Variants in CADM2 observed in about 807,000 individuals in gnomAD.
CADM2 encodes the protein cell adhesion molecule 2.
In CADM2, 12 loss-of-function variants were observed where a neutral mutation model predicts 49.8. The observed-to-expected ratio is 0.24, with a 90% confidence interval of 0.15 to 0.39. The LOEUF is 0.39. Among genes scored for constraint, CADM2 ranks in the 10% least tolerant of loss-of-function variants. CADM2 has a pLI of 1.00. For missense variants in CADM2, 378 were observed against 492.3 expected (o/e 0.77, Z 2.20); for synonymous variants, 214 against 175.4 (o/e 1.22, Z -1.74).
chr3:85,917,108 T>C (rs1238985027), intron 6 of CADM2, among the ~76,000 whole-genome samples: 3 of 152,110 alleles, frequency 2.0e-5, no homozygotes, highest in African/African-American at 7.2e-5. Context: ...TTTCTTCCAT[T>C]CTGTAGGTTG....
intron 1 of CADM2, among the ~76,000 whole-genome samples, chr3:85,269,669 T>C (rs2043193717): frequency 1.3e-5 from 2 of 151,346 alleles, no homozygotes; most frequent in Admixed American, 1.3e-4. Flanking sequence ...AGGACTTGTC[T>C]CTCAGATCAC....
At chr3:85,480,014 C>T (rs944480620) in intron 1 of CADM2, among the ~76,000 whole-genome samples, 1 of 151,558 alleles carries the variant, frequency 6.6e-6, no homozygotes, top group Non-Finnish European at 1.5e-5. Flanking sequence ...TTTTTTTAAA[C>T]TCTGTGTAGG....
chr3:85,886,413 A>G (rs1713660827), intron 5 of CADM2, 86 bp downstream of exon 5: 1 of 998,684 alleles, frequency 1.0e-6, no homozygotes, highest in Non-Finnish European at 1.5e-6. Flanking sequence ...ATTATTTTTC[A>G]AAACATAGTG....
intron 3 of CADM2, among the ~76,000 whole-genome samples, chr3:85,818,628 C>T (rs2073366988): frequency 6.6e-6 from 1 of 152,086 alleles, no homozygotes; most frequent in Non-Finnish European, 1.5e-5. Context: ...TTTGCTTCTG[C>T]CATTGAATAG....
chr3:85,099,662 G>T (rs1374231236), intron 1 of CADM2, among the ~76,000 whole-genome samples: 1 of 152,026 alleles, frequency 6.6e-6, no homozygotes, highest in Non-Finnish European at 1.5e-5. Flanking sequence ...TGGAGACGGG[G>T]TTTCACCATG....
At chr3:85,631,666 C>T (rs2064311757) in intron 1 of CADM2, among the ~76,000 whole-genome samples, 1 of 151,986 alleles carries the variant, frequency 6.6e-6, no homozygotes, top group Non-Finnish European at 1.5e-5. Flanking sequence ...AATGTGTACA[C>T]CTGGTTGTGT....
chr3:85,577,442 C>G (rs1336790884), intron 1 of CADM2, among the ~76,000 whole-genome samples: 1 of 152,106 alleles, frequency 6.6e-6, no homozygotes, highest in East Asian at 1.9e-4. Flanking sequence ...CGCACGTGCT[C>G]TCTTGCCCTT....
At chr3:85,928,935 A>G (rs1720255487) in intron 6 of CADM2, among the ~76,000 whole-genome samples, 1 of 152,176 alleles carries the variant, frequency 6.6e-6, no homozygotes, top group Admixed American at 6.5e-5. Context: ...ATTCATGTAT[A>G]TTTAATAAAT....
intron 1 of CADM2, among the ~76,000 whole-genome samples, chr3:85,687,586 A>G (rs974047902): frequency 6.6e-6 from 1 of 152,204 alleles, no homozygotes; most frequent in African/African-American, 2.4e-5. Flanking sequence ...TAGTATATAT[A>G]TTATACAATT....
intron 1 of CADM2, among the ~76,000 whole-genome samples, chr3:85,707,989 G>T (rs2067002209): frequency 6.6e-6 from 1 of 152,112 alleles, no homozygotes; most frequent in African/African-American, 2.4e-5. Context: ...AAATTTTAGT[G>T]CTCCTTCTAC....
rs560471985 is a variant in CADM2 at position 85,489,430 on chromosome 3, T to C, written c.62-237092T>C. Reference sequence around the variant, plus strand: ...AATATATGGTAAGGTATTACAAGTTTTCATTTAATATATTTATAAGTTCAA... The same window carrying C: ...AATATATGGTAAGGTATTACAAGTTCTCATTTAATATATTTATAAGTTCAA... On this transcript the variant is annotated intron_variant, in intron 1 of 9. Transcript: ENST00000383699. Among the ~76,000 whole-genome samples, 344 of 152,276 alleles carry C rather than the reference T, an allele frequency of 2.3e-3. 1 individual carries two copies. Among genetic ancestry groups the C allele is most frequent in the Non-Finnish European group, 3.8e-3 (261 of 67,988 alleles).
At chr3:85,217,435 A>G (rs1262389311) in intron 1 of CADM2, among the ~76,000 whole-genome samples, 1 of 152,044 alleles carries the variant, frequency 6.6e-6, no homozygotes, top group African/African-American at 2.4e-5. Flanking sequence ...TTTAATCCAC[A>G]CACACATTAT....
chr3:85,589,604 A>G (rs962862441), intron 1 of CADM2, among the ~76,000 whole-genome samples: 3 of 152,072 alleles, frequency 2.0e-5, no homozygotes, highest in Non-Finnish European at 2.9e-5. Flanking sequence ...GGACATACAC[A>G]TAGGGAACCC....
chr3:84,984,575 G>A (rs2032434002), intron 1 of CADM2, among the ~76,000 whole-genome samples: 1 of 148,600 alleles, frequency 6.7e-6, no homozygotes. Flanking sequence ...ACCCTCCACA[G>A]TCTCCAGCTT....
At chr3:85,965,246 T>C (rs1022931343) in intron 8 of CADM2, among the ~76,000 whole-genome samples, 4 of 148,862 alleles carry the variant, frequency 2.7e-5, no homozygotes, top group African/African-American at 9.8e-5. Context: ...TACTAACATA[T>C]AACTATTATT....
intron 3 of CADM2, among the ~76,000 whole-genome samples, chr3:85,862,146 T>C (rs2075560008): frequency 6.6e-6 from 1 of 152,190 alleles, no homozygotes; most frequent in Non-Finnish European, 1.5e-5. Flanking sequence ...CAAAACTTTC[T>C]TTAGCTAATG....
At chr3:85,098,845 A>G (rs2037904618) in intron 1 of CADM2, among the ~76,000 whole-genome samples, 1 of 152,166 alleles carries the variant, frequency 6.6e-6, no homozygotes, top group African/African-American at 2.4e-5. Flanking sequence ...AAGTGGAGCC[A>G]TGCAGTTCAA....
intron 5 of CADM2, among the ~76,000 whole-genome samples, chr3:85,910,156 T>C (rs1270465288): frequency 6.6e-6 from 1 of 152,166 alleles, no homozygotes; most frequent in Non-Finnish European, 1.5e-5. Flanking sequence ...AAGAAGCAGA[T>C]GTGTGAGTTC....
At chr3:85,600,396 G>A (rs1386273428) in intron 1 of CADM2, among the ~76,000 whole-genome samples, 1 of 151,934 alleles carries the variant, frequency 6.6e-6, no homozygotes, top group Non-Finnish European at 1.5e-5. Context: ...CTGCAATAGA[G>A]TAAGTGCTCA....
Sources: allele counts gnomAD v4.1 joint callset (sites outside exome capture counted in the v4.1 genomes callset), GRCh38; gene constraint gnomAD v4.1.1; transcripts MANE v1.5; gene names NCBI Gene and HGNC (gene_info 2026-07-23, HGNC 2026-07-21).